Variants in CCSER1 observed in about 807,000 individuals in gnomAD.
The protein encoded by CCSER1 is serine-rich coiled-coil domain-containing protein 1.
Under a neutral mutation model 82.0 loss-of-function variants are expected in CCSER1, and 41 were observed. The ratio of observed to expected loss-of-function variants is 0.50; its 90% CI spans 0.39 to 0.65. The LOEUF (loss-of-function observed/expected upper bound fraction) is 0.65, where lower values mean the gene tolerates loss of function less well. CCSER1 is among the 30% of genes least tolerant of loss of function. CCSER1 has a pLI of 0.00. For missense variants in CCSER1, 1,119 were observed against 1,064.2 expected, an observed-to-expected ratio of 1.05 and a Z score of -0.72; for synonymous variants, 414 against 383.9, an observed-to-expected ratio of 1.08 and a Z score of -0.92.
chr4:91,069,546 G>T (rs1475387813), intron 9 of CCSER1, among the ~76,000 whole-genome samples: 2 of 152,246 alleles, frequency 1.3e-5, no homozygotes, highest in South Asian at 4.1e-4. Flanking sequence ...GGGATATAAA[G>T]TTTTACCAGA....
chr4:91,084,760 T>C (rs971035639), intron 9 of CCSER1, among the ~76,000 whole-genome samples: 20 of 152,158 alleles, frequency 1.3e-4, no homozygotes, highest in African/African-American at 4.6e-4. Flanking sequence ...GCCATGTTGA[T>C]CCTAGAACAT....
chr4:90,605,235 C>T (rs1290827310), intron 5 of CCSER1, among the ~76,000 whole-genome samples: 2 of 152,156 alleles, frequency 1.3e-5, no homozygotes, highest in Non-Finnish European at 2.9e-5. Context: ...GTAACAGTCA[C>T]CACGAGGGTC....
intron 7 of CCSER1, among the ~76,000 whole-genome samples, chr4:90,769,654 T>C (rs1751783465): frequency 1.3e-5 from 2 of 152,172 alleles, no homozygotes; most frequent in Admixed American, 1.3e-4. Context: ...AACCAGTATC[T>C]ACCAGTTTTC....
intron 10 of CCSER1, among the ~76,000 whole-genome samples, chr4:91,426,585 A>C (rs1753994842): frequency 6.6e-6 from 1 of 152,172 alleles, no homozygotes; most frequent in Admixed American, 6.5e-5. Flanking sequence ...AGAAATATTC[A>C]GAATTTTAAA....
At chr4:91,318,141 T>C (rs1242274623) in intron 10 of CCSER1, among the ~76,000 whole-genome samples, 1 of 151,888 alleles carries the variant, frequency 6.6e-6, no homozygotes, top group Non-Finnish European at 1.5e-5. Flanking sequence ...TGGAGTACTC[T>C]GTATGGATGT....
In CCSER1 at chr4:91,178,369, T is replaced by G. The variant is rs181642485; in HGVS notation, c.2217+92375T>G. On this transcript the variant is annotated intron_variant, in intron 10 of 10. Transcript: ENST00000509176. Reference sequence around the variant, plus strand: ...GAGTTCAATTCCTGGATATCCTTGTTAACATTCTGTCTCGTTGATCTGTCT... The same window carrying G: ...GAGTTCAATTCCTGGATATCCTTGTGAACATTCTGTCTCGTTGATCTGTCT... Among the ~76,000 whole-genome samples the G allele has an allele frequency of 3.1e-3, 458 of 149,710 alleles. 4 individuals carry two copies. Among genetic ancestry groups the G allele is most frequent in the African/African-American group, 0.011 (440 of 40,682 alleles).
intron 10 of CCSER1, among the ~76,000 whole-genome samples, chr4:91,452,616 A>G (rs529515055): frequency 2.2e-4 from 33 of 152,186 alleles, no homozygotes; most frequent in Non-Finnish European, 3.8e-4. Flanking sequence ...TTGTCTTCCA[A>G]ATGTGCTGAG....
chr4:90,345,699 C>T (rs1436401561), intron 3 of CCSER1, among the ~76,000 whole-genome samples: 1 of 152,054 alleles, frequency 6.6e-6, no homozygotes, highest in Non-Finnish European at 1.5e-5. Context: ...ATGAACAACA[C>T]ACATGGCCCT....
intron 10 of CCSER1, among the ~76,000 whole-genome samples, chr4:91,181,107 T>A (rs1384626848): frequency 6.6e-6 from 1 of 152,258 alleles, no homozygotes; most frequent in Non-Finnish European, 1.5e-5. Context: ...AGGGCCATTA[T>A]GAACATGTTA....
At chr4:90,889,665 A>G (rs1004267972) in intron 8 of CCSER1, among the ~76,000 whole-genome samples, 27 of 152,166 alleles carry the variant, frequency 1.8e-4, no homozygotes, top group Admixed American at 1.8e-3. Flanking sequence ...GAACTGTGGT[A>G]TATACATAAA....
intron 10 of CCSER1, among the ~76,000 whole-genome samples, chr4:91,523,097 T>C (rs1361920562): frequency 1.3e-5 from 2 of 152,202 alleles, no homozygotes; most frequent in African/African-American, 4.8e-5. Context: ...CTGTTGAGTT[T>C]TGTCGAAGGC....
chr4:90,205,564 A>G (rs1030847087), intron 1 of CCSER1, among the ~76,000 whole-genome samples: 1 of 152,182 alleles, frequency 6.6e-6, no homozygotes, highest in Admixed American at 6.5e-5. Context: ...ATTGTGGTGG[A>G]TAAGCTTTTT....
intron 7 of CCSER1, among the ~76,000 whole-genome samples, chr4:90,753,799 C>T (rs971154439): frequency 9.9e-5 from 15 of 152,110 alleles, no homozygotes; most frequent in Non-Finnish European, 2.1e-4. Flanking sequence ...ATGTTCTACC[C>T]CATGGCAGCT....
intron 8 of CCSER1, among the ~76,000 whole-genome samples, chr4:90,859,005 C>T (rs1764761482): frequency 6.6e-6 from 1 of 151,806 alleles, no homozygotes; most frequent in Admixed American, 6.6e-5. Flanking sequence ...AAGTTTTTGG[C>T]ACCTACTTGA....
chr4:90,836,631 T>C (rs1761839088), intron 8 of CCSER1, among the ~76,000 whole-genome samples: 2 of 152,198 alleles, frequency 1.3e-5, no homozygotes, highest in Non-Finnish European at 2.9e-5. Context: ...AGTTGTGGTA[T>C]GAAGCAGCAG....
intron 6 of CCSER1, among the ~76,000 whole-genome samples, chr4:90,708,839 G>C (rs1739935547): frequency 6.6e-6 from 1 of 152,064 alleles, no homozygotes; most frequent in Non-Finnish European, 1.5e-5. Context: ...TAAATATCCT[G>C]ATCAATTTCT....
chr4:90,172,481 T>C (rs940349293), intron 1 of CCSER1, among the ~76,000 whole-genome samples: 1 of 151,916 alleles, frequency 6.6e-6, no homozygotes, highest in Non-Finnish European at 1.5e-5. Context: ...GCTACACTGA[T>C]TGATCATGTA....
At chr4:91,268,571 A>C (rs1741788374) in intron 10 of CCSER1, among the ~76,000 whole-genome samples, 1 of 152,148 alleles carries the variant, frequency 6.6e-6, no homozygotes, top group South Asian at 2.1e-4. Context: ...CAGTGAAGAC[A>C]CCACCAAACA....
intron 10 of CCSER1, among the ~76,000 whole-genome samples, chr4:91,088,660 C>A (rs1437011657): frequency 1.3e-5 from 2 of 151,962 alleles, no homozygotes; most frequent in African/African-American, 4.8e-5. Flanking sequence ...ATTGTGTATA[C>A]AATTTGAGGG....
Sources: allele counts gnomAD v4.1 joint callset (sites outside exome capture counted in the v4.1 genomes callset), GRCh38; gene constraint gnomAD v4.1.1; transcripts MANE v1.5; gene names NCBI Gene and HGNC (gene_info 2026-07-23, HGNC 2026-07-21).